Variants in NXPH2 observed in about 807,000 individuals in gnomAD.
The protein encoded by NXPH2 is neurexophilin 2, also known as neurexophilin-2.
Under a neutral mutation model 19.8 loss-of-function variants are expected in NXPH2, and 5 were observed. The observed-to-expected ratio is 0.25, with a 90% CI of 0.13 to 0.53. NXPH2 has a LOEUF of 0.53. Among genes scored for constraint, NXPH2 ranks in the 20% least tolerant of loss-of-function variants. The pLI is 0.96. For synonymous variants in NXPH2, 154 were observed against 127.4 expected, an observed-to-expected ratio of 1.21 and a Z score of -1.41; for missense variants, 289 against 322.8, an observed-to-expected ratio of 0.90 and a Z score of 0.80.
chr2:138,735,515 C>A (rs1268530184), intron 1 of NXPH2, among the ~76,000 whole-genome samples: 1 of 152,138 alleles, frequency 6.6e-6, no homozygotes, highest in Non-Finnish European at 1.5e-5. Flanking sequence ...AAACTGCCCC[C>A]ATGATTCAAT....
intron 1 of NXPH2, among the ~76,000 whole-genome samples, chr2:138,675,316 A>G (rs1051013413): frequency 4.0e-5 from 6 of 151,892 alleles, no homozygotes; most frequent in African/African-American, 1.5e-4. Flanking sequence ...GCTTTGCCCA[A>G]TTTTCTCCTC....
intron 1 of NXPH2, among the ~76,000 whole-genome samples, chr2:138,696,155 C>T (rs1308030765): frequency 6.6e-6 from 1 of 152,076 alleles, no homozygotes; most frequent in Non-Finnish European, 1.5e-5. Flanking sequence ...ACAATCTTCC[C>T]AGACAAAAAT....
intron 1 of NXPH2, among the ~76,000 whole-genome samples, chr2:138,768,611 C>G (rs913142014): frequency 2.0e-5 from 3 of 152,144 alleles, no homozygotes; most frequent in African/African-American, 7.2e-5. Context: ...ACACACAAAC[C>G]CTGGATTCTG....
chr2:138,703,994 T>C (rs1027314791), intron 1 of NXPH2, among the ~76,000 whole-genome samples: 2 of 152,236 alleles, frequency 1.3e-5, no homozygotes. Flanking sequence ...CACCACTTGC[T>C]AAATTACATT....
At chr2:138,697,700 T>C (rs1680848889) in intron 1 of NXPH2, among the ~76,000 whole-genome samples, 1 of 151,812 alleles carries the variant, frequency 6.6e-6, no homozygotes, top group African/African-American at 2.4e-5. Context: ...AAACACACTT[T>C]TTTTAATTTG....
chr2:138,694,776 A>T (rs1430285545), intron 1 of NXPH2, among the ~76,000 whole-genome samples: 1 of 152,230 alleles, frequency 6.6e-6, no homozygotes, highest in Non-Finnish European at 1.5e-5. Flanking sequence ...AATATCAATA[A>T]GTTACACAAG....
intron 1 of NXPH2, among the ~76,000 whole-genome samples, chr2:138,777,245 T>C (rs1682276965): frequency 1.3e-5 from 2 of 152,140 alleles, no homozygotes; most frequent in South Asian, 2.1e-4. Flanking sequence ...TCATTTCAAA[T>C]GCTAATTTTT....
chr2:138,771,992 T>A (rs1429263525), intron 1 of NXPH2, among the ~76,000 whole-genome samples: 4 of 152,180 alleles, frequency 2.6e-5, no homozygotes, highest in African/African-American at 7.2e-5. Context: ...AAATTATATA[T>A]TAATGCTCTC....
chr2:138,759,194 G>A (rs562487668), intron 1 of NXPH2, among the ~76,000 whole-genome samples: 6 of 152,066 alleles, frequency 3.9e-5, no homozygotes, highest in Non-Finnish European at 7.4e-5. Context: ...TTTTATTAAG[G>A]TGGCACATTT....
intron 1 of NXPH2, among the ~76,000 whole-genome samples, chr2:138,730,910 G>A (rs990603302): frequency 3.9e-5 from 6 of 152,144 alleles, no homozygotes; most frequent in South Asian, 4.2e-4. Context: ...ACACCATCTC[G>A]GGTCTTCACA....
At chr2:138,772,017 T>C (rs989309021) in intron 1 of NXPH2, among the ~76,000 whole-genome samples, 2 of 152,192 alleles carry the variant, frequency 1.3e-5, no homozygotes, top group Non-Finnish European at 2.9e-5. Flanking sequence ...TCTACACAAG[T>C]CTGGGCACCT....
intron 1 of NXPH2, among the ~76,000 whole-genome samples, chr2:138,712,975 G>T (rs1355282142): frequency 6.6e-6 from 1 of 152,146 alleles, no homozygotes; most frequent in Admixed American, 6.5e-5. Flanking sequence ...TCTAACACTG[G>T]TGATGGTCTT....
intron 1 of NXPH2, among the ~76,000 whole-genome samples, chr2:138,707,015 A>G (rs1393999275): frequency 6.6e-6 from 1 of 150,956 alleles, no homozygotes; most frequent in Non-Finnish European, 1.5e-5. Flanking sequence ...GAAAACTATT[A>G]AGAGATAAAA....
intron 1 of NXPH2, among the ~76,000 whole-genome samples, chr2:138,676,166 C>T (rs1385783247): frequency 2.0e-5 from 3 of 152,128 alleles, no homozygotes; most frequent in Non-Finnish European, 4.4e-5. Context: ...AAACCCAAAT[C>T]TCAAAAAGCT....
At chr2:138,773,486 A>G (rs1682209642) in intron 1 of NXPH2, among the ~76,000 whole-genome samples, 1 of 152,160 alleles carries the variant, frequency 6.6e-6, no homozygotes, top group African/African-American at 2.4e-5. Context: ...TTTTATACTA[A>G]TCAACCACTT....
At chr2:138,775,732 A>G (rs569912258) in intron 1 of NXPH2, among the ~76,000 whole-genome samples, 8 of 152,266 alleles carry the variant, frequency 5.3e-5, no homozygotes, top group African/African-American at 1.7e-4. Flanking sequence ...AGTTTGTTAA[A>G]TCACCATCCT....
intron 1 of NXPH2, among the ~76,000 whole-genome samples, chr2:138,733,369 G>T (rs1378469238): frequency 6.6e-6 from 1 of 152,176 alleles, no homozygotes; most frequent in East Asian, 1.9e-4. Flanking sequence ...TTAAACAGGG[G>T]CTGAATGAAG....
intron 1 of NXPH2, among the ~76,000 whole-genome samples, chr2:138,742,650 C>A (rs1681663630): frequency 6.6e-6 from 1 of 152,190 alleles, no homozygotes; most frequent in Non-Finnish European, 1.5e-5. Context: ...AGTAAGTCTC[C>A]TGCTTGGCTG....
intron 1 of NXPH2, among the ~76,000 whole-genome samples, chr2:138,744,853 C>T (rs534156652): frequency 2.1e-4 from 32 of 152,312 alleles, no homozygotes; most frequent in African/African-American, 6.7e-4. Context: ...TAGACAGCTG[C>T]TTCCAGAGGA....
Sources: allele counts gnomAD v4.1 joint callset (sites outside exome capture counted in the v4.1 genomes callset), GRCh38; gene constraint gnomAD v4.1.1; transcripts MANE v1.5; gene names NCBI Gene and HGNC (gene_info 2026-07-23, HGNC 2026-07-21).